NALCN: variants seen among roughly 807,000 people sequenced by gnomAD.
NALCN encodes the protein sodium leak channel NALCN.
Under a neutral mutation model 225.3 loss-of-function variants are expected in NALCN, and 111 were observed. The ratio of observed to expected loss-of-function variants is 0.49; its 90% CI spans 0.42 to 0.58. The LOEUF (loss-of-function observed/expected upper bound fraction) is 0.58, where lower values mean the gene tolerates loss of function less well. Ranked by LOEUF, NALCN falls within the 20% of genes least tolerant of loss-of-function variation. The pLI is 0.00. For missense variants in NALCN, 1,378 were observed against 2,202.4 expected, an observed-to-expected ratio of 0.63 and a Z score of 7.49; for synonymous variants, 764 against 769.0, an observed-to-expected ratio of 0.99 and a Z score of 0.11.
At chr13:101,295,122 T>G (rs1440273929) in intron 7 of NALCN, among the ~76,000 whole-genome samples, 2 of 152,162 alleles carry the variant, frequency 1.3e-5, no homozygotes, top group Non-Finnish European at 2.9e-5. Flanking sequence ...ATAAGTTTCT[T>G]AAAAGTTGAC....
chr13:101,200,536 G>A (rs1180288365), intron 13 of NALCN, among the ~76,000 whole-genome samples: 1 of 152,020 alleles, frequency 6.6e-6, no homozygotes, highest in Non-Finnish European at 1.5e-5. Context: ...AGGGAAGAAA[G>A]GGGGATAAGC....
At chr13:101,094,651 A>T (rs1416874650) in intron 28 of NALCN, among the ~76,000 whole-genome samples, 1 of 152,152 alleles carries the variant, frequency 6.6e-6, no homozygotes, top group Admixed American at 6.6e-5. Context: ...CCCCAAATGA[A>T]TCCTTTTTCT....
chr13:101,278,223 C>T (rs952081368), intron 10 of NALCN, among the ~76,000 whole-genome samples: 1 of 152,068 alleles, frequency 6.6e-6, no homozygotes, highest in African/African-American at 2.4e-5. Flanking sequence ...TTCTCATTAA[C>T]ATACAATTAG....
At chr13:101,341,731 A>G (rs1194018253) in intron 7 of NALCN, among the ~76,000 whole-genome samples, 1 of 152,230 alleles carries the variant, frequency 6.6e-6, no homozygotes, top group Non-Finnish European at 1.5e-5. Context: ...GGGGAGGAAC[A>G]GGGTAATGTT....
At chr13:101,227,106 C>T (rs1273409972) in intron 13 of NALCN, among the ~76,000 whole-genome samples, 5 of 152,150 alleles carry the variant, frequency 3.3e-5, no homozygotes, top group African/African-American at 1.2e-4. Context: ...AGTGAGGGAA[C>T]AAAGTCTTGA....
At position 101,107,534 on chromosome 13, in the gene NALCN, G is replaced by A. The variant is rs761866884; in HGVS notation, c.2532C>T (p.His844=). 1 of 1,614,024 alleles carries A rather than the reference G, an allele frequency of 6.2e-7. No individual in the cohort carries two copies. Among genetic ancestry groups the A allele is most frequent in the Non-Finnish European group, 8.5e-7 (1 of 1,180,000 alleles). ...DKPLFIVGRE[H]RFRNFCRVVV... is the part of the protein sequence containing the mutation. ...CCACCCGGCAAAAGTTTCTGAACCT[G>A]TGTTCTCGCCCGACAATGAACAGTG... Residue 844 remains histidine (H), a synonymous_variant, in exon 22 of 44, where the codon CAC becomes CAT. Transcript: ENST00000251127.
intron 6 of NALCN, 151 bp downstream of exon 6, chr13:101,376,549 G>T (rs2046696644): frequency 2.5e-5 from 15 of 595,612 alleles, no homozygotes; most frequent in Non-Finnish European, 3.4e-5. Context: ...AATAAAAACT[G>T]GACAAAAACA....
At chr13:101,368,121 T>C (rs2046430782) in intron 6 of NALCN, among the ~76,000 whole-genome samples, 1 of 150,704 alleles carries the variant, frequency 6.6e-6, no homozygotes, top group South Asian at 2.1e-4. Context: ...TCATTTAGCA[T>C]TAGGTATATC....
chr13:101,354,675 T>A (rs1306924715), intron 6 of NALCN, among the ~76,000 whole-genome samples: 1 of 152,216 alleles, frequency 6.6e-6, no homozygotes, highest in African/African-American at 2.4e-5. Context: ...GAAGATCAAA[T>A]TTATGAAACT....
intron 7 of NALCN, among the ~76,000 whole-genome samples, chr13:101,312,482 T>C (rs1425533190): frequency 6.6e-6 from 1 of 151,882 alleles, no homozygotes; most frequent in Non-Finnish European, 1.5e-5. Context: ...TTTCCTGCTT[T>C]CTCTTGTGGG....
chr13:101,232,595 A>G (rs2041393551), intron 12 of NALCN, among the ~76,000 whole-genome samples: 2 of 151,420 alleles, frequency 1.3e-5, no homozygotes, highest in African/African-American at 4.9e-5. Context: ...ACAGGCGCCC[A>G]CCACCACACC....
intron 13 of NALCN, among the ~76,000 whole-genome samples, chr13:101,195,975 A>C (rs1354333640): frequency 6.6e-6 from 1 of 151,272 alleles, no homozygotes; most frequent in African/African-American, 2.4e-5. Flanking sequence ...GTTGATAATC[A>C]ATATGTTGAT....
At chr13:101,308,893 C>G (rs2044243844) in intron 7 of NALCN, among the ~76,000 whole-genome samples, 1 of 151,606 alleles carries the variant, frequency 6.6e-6, no homozygotes, top group Non-Finnish European at 1.5e-5. Flanking sequence ...CAGAAATTCA[C>G]ACTTCATACC....
intron 7 of NALCN, among the ~76,000 whole-genome samples, chr13:101,300,297 T>TTCCC (rs1325046827): frequency 6.6e-6 from 1 of 151,802 alleles, no homozygotes; most frequent in Non-Finnish European, 1.5e-5. Flanking sequence ...CCTTCCTTCC[T>TTCCC]TCCCTCCTTC....
chr13:101,291,289 G>T (rs900724935), intron 9 of NALCN, among the ~76,000 whole-genome samples: 1 of 152,126 alleles, frequency 6.6e-6, no homozygotes, highest in Non-Finnish European at 1.5e-5. Context: ...CCTACACATA[G>T]ACATTACATA....
In NALCN at chr13:101,101,271, AT is replaced by A. The variant is rs1333492865; in HGVS notation, c.3058-384del. 3.1e-4 allele frequency among the ~76,000 whole-genome samples: 36 copies of A among 116,972 alleles called. 1 individual carries two copies. Among genetic ancestry groups the A allele is most frequent in the African/African-American group, 1.1e-3 (34 of 31,458 alleles). 76.7% of individuals were successfully genotyped at this position (116,972 alleles called of 152,430 possible). A position where few individuals can be genotyped will look rare whatever the true frequency, so the allele number is the denominator to read the frequency against. On this transcript the variant is annotated intron_variant, in intron 26 of 43. Transcript: ENST00000251127. ...TTCCCAAATGGACATATATATATTT[AT>A]TTTTTTTTCTTTTTTTTTTTTTTTT...
At chr13:101,172,981 A>G (rs1205039595) in intron 15 of NALCN, among the ~76,000 whole-genome samples, 3 of 152,222 alleles carry the variant, frequency 2.0e-5, no homozygotes, top group African/African-American at 7.2e-5. Context: ...AAAAGACATT[A>G]AAGTCACTAA....
chr13:101,289,469 GT>G (rs991526291), intron 9 of NALCN, among the ~76,000 whole-genome samples: 1 of 151,558 alleles, frequency 6.6e-6, no homozygotes, highest in Non-Finnish European at 1.5e-5. Context: ...GTCAGAGCCA[GT>G]TCCTAGTGAG....
chr13:101,377,729 TACA>T (rs2046734626), intron 4 of NALCN, among the ~76,000 whole-genome samples: 1 of 152,182 alleles, frequency 6.6e-6, no homozygotes, highest in Non-Finnish European at 1.5e-5. Flanking sequence ...TAGAGACCTG[TACA>T]ACATTGTACC....
Sources: allele counts gnomAD v4.1 joint callset (sites outside exome capture counted in the v4.1 genomes callset), GRCh38; gene constraint gnomAD v4.1.1; transcripts MANE v1.5; gene names NCBI Gene and HGNC (gene_info 2026-07-23, HGNC 2026-07-21).